The following MAP3K15 variants were observed in gnomAD, a reference collection of about 807,000 sequenced individuals.
MAP3K15 encodes MAPK/ERK kinase kinase 15.
In MAP3K15, 124 loss-of-function variants were observed where a neutral mutation model predicts 99.5. The ratio of observed to expected loss-of-function variants is 1.25; its 90% CI spans 1.08 to 1.45. The LOEUF is 1.45. Among genes scored for constraint, MAP3K15 ranks in the 40% most tolerant of loss-of-function variants. The pLI, the probability that MAP3K15 is intolerant of heterozygous loss-of-function variation, is 0.00. For synonymous variants in MAP3K15, 494 were observed against 439.6 expected, an observed-to-expected ratio of 1.12 and a Z score of -1.55; for missense variants, 1,242 against 1,079.7, an observed-to-expected ratio of 1.15 and a Z score of -2.11.
In MAP3K15 at chrX:19,407,205, G is replaced by A. The variant is rs529366756; in HGVS notation, c.1827C>T (p.Thr609=). The part of the protein sequence containing the change: ...NSDDFQIYFS[T]EEQCSRFFSL... ...TAACTCACCTACTGCACTGCTCTTCGGTGGAAAAGTAGATTTGAAAGTCAT... is the reference window on the plus strand; with the variant it reads ...TAACTCACCTACTGCACTGCTCTTCAGTGGAAAAGTAGATTTGAAAGTCAT... Residue 609 remains threonine, a synonymous_variant, in exon 13 of 29, where the codon ACC becomes ACT. Coordinates refer to ENST00000338883, the MANE Select transcript of MAP3K15 (RefSeq NM_001001671.4). 24 of 1,188,939 alleles carry A rather than the reference G, an allele frequency of 2.0e-5. 1 individual carries two copies. The South Asian group carries it at 3.2e-4, about 16-fold the overall frequency.
intron 1 of MAP3K15, among the ~76,000 whole-genome samples, chrX:19,494,298 A>AAG (rs977492363): frequency 6.1e-4 from 67 of 110,352 alleles, no homozygotes; most frequent in African/African-American, 2.0e-3. Flanking sequence ...CTGTCTTTTT[A>AAG]AGAGAGAGAG....
At chrX:19,469,885 A>C (rs1236778351) in intron 3 of MAP3K15, among the ~76,000 whole-genome samples, 9 of 108,553 alleles carry the variant, frequency 8.3e-5, no homozygotes, top group Non-Finnish European at 1.7e-4. Context: ...GGCAATCATT[A>C]AAAAGTCAGG....
At chrX:19,388,236 G>A (rs776606798) in intron 18 of MAP3K15, among the ~76,000 whole-genome samples, 2 of 111,996 alleles carry the variant, frequency 1.8e-5, no homozygotes, top group South Asian at 3.7e-4. Context: ...TGCAACCTCC[G>A]CCTCCCGGCT....
chrX:19,426,818 C>CAAAAAAAAAAAAAAAAAAA (rs746106862), intron 7 of MAP3K15, among the ~76,000 whole-genome samples: 2 of 21,149 alleles, frequency 9.5e-5, no homozygotes, highest in African/African-American at 4.1e-4. Flanking sequence ...AATCTGTCTC[C>CAAAAAAAAAAAAAAAAAAA]AAAAAAAAAA....
At chrX:19,463,319 C>T (rs1000986126) in intron 4 of MAP3K15, among the ~76,000 whole-genome samples, 13 of 111,757 alleles carry the variant, frequency 1.2e-4, no homozygotes, top group African/African-American at 4.2e-4. Context: ...CTTGTACCAA[C>T]ACTACAATAG....
chrX:19,400,148 A>G (rs2063597469), intron 14 of MAP3K15, among the ~76,000 whole-genome samples: 1 of 112,244 alleles, frequency 8.9e-6, no homozygotes, highest in Non-Finnish European at 1.9e-5. Context: ...GCTGTTAAAA[A>G]GAGCTGATGA....
chrX:19,500,421 G>T (rs181676677), intron 1 of MAP3K15, among the ~76,000 whole-genome samples: 21 of 110,959 alleles, frequency 1.9e-4, no homozygotes, highest in African/African-American at 6.9e-4. Context: ...TATCTACATC[G>T]AATGCTCCTG....
intron 25 of MAP3K15, among the ~76,000 whole-genome samples, chrX:19,367,201 C>T (rs1055122493): frequency 1.8e-5 from 2 of 111,255 alleles, no homozygotes; most frequent in Non-Finnish European, 3.8e-5. Flanking sequence ...TGAATGGAGC[C>T]GGAGGCCATT....
chrX:19,360,075 T>TATTA lies in MAP3K15; in HGVS notation c.*670_*673dup, dbSNP rs1214967488. Reference sequence around the variant, plus strand: ...CCATTTCTCTACAAGATACAATATTTATTATCAGGCAAGAGGACAGTTCCA... The same window carrying TATTA: ...CCATTTCTCTACAAGATACAATATTTATTAATTATCAGGCAAGAGGACAGTTCCA... On this transcript the variant is annotated 3_prime_UTR_variant, in exon 29 of 29. Transcript: ENST00000338883. The TATTA allele has an allele frequency of 5.4e-6, 1 of 185,440 alleles. No homozygotes were observed. Among genetic ancestry groups the TATTA allele is most frequent in the East Asian group, 1.5e-4 (1 of 6,646 alleles). The allele number at this position is 185,440 out of a possible 1,213,427, so 15.3% of individuals were successfully genotyped here.
intron 3 of MAP3K15, among the ~76,000 whole-genome samples, chrX:19,470,657 C>T (rs1309113319): frequency 2.7e-5 from 3 of 111,150 alleles, no homozygotes; most frequent in African/African-American, 9.8e-5. Flanking sequence ...AAACAACATG[C>T]CCCGGAGGCA....
intron 25 of MAP3K15, among the ~76,000 whole-genome samples, chrX:19,367,006 A>G (rs192597939): frequency 1.4e-4 from 16 of 112,412 alleles, no homozygotes; most frequent in African/African-American, 4.8e-4. Context: ...CCAGAGGAAT[A>G]TAAATGGTTC....
chrX:19,398,395 C>T, intron 14 of MAP3K15, 36 bp from the exon 15 acceptor site: 1 of 1,202,445 alleles, frequency 8.3e-7, no homozygotes, highest in Non-Finnish European at 1.1e-6. Flanking sequence ...AAAAAGCATA[C>T]AACTTGTAGC....
At chrX:19,381,426 G>T in intron 18 of MAP3K15, among the ~76,000 whole-genome samples, 1 of 112,218 alleles carries the variant, frequency 8.9e-6, no homozygotes, top group South Asian at 3.7e-4. Context: ...GTCCCACCTG[G>T]GTTCTAGCAC....
chrX:19,379,745 AT>A (rs1860081000), intron 19 of MAP3K15, among the ~76,000 whole-genome samples: 1 of 110,922 alleles, frequency 9.0e-6, no homozygotes, highest in South Asian at 3.8e-4. Flanking sequence ...CCCGGCCTAT[AT>A]TTTCCTTTGG....
chrX:19,441,365 G>A (rs1226785548), intron 6 of MAP3K15, among the ~76,000 whole-genome samples: 1 of 109,271 alleles, frequency 9.2e-6, no homozygotes, highest in Non-Finnish European at 1.9e-5. Flanking sequence ...ATGGGTATGG[G>A]CTTTTGGTGG....
At chrX:19,490,688 G>T (rs919839507) in intron 1 of MAP3K15, among the ~76,000 whole-genome samples, 2 of 109,090 alleles carry the variant, frequency 1.8e-5, no homozygotes, top group Admixed American at 2.0e-4. Flanking sequence ...GGTCGAGGTT[G>T]CAGTGAGCTG....
intron 9 of MAP3K15, among the ~76,000 whole-genome samples, chrX:19,421,401 C>T (rs879015489): frequency 9.1e-6 from 1 of 110,390 alleles, no homozygotes; most frequent in African/African-American, 3.3e-5. Context: ...AAACAGAGAG[C>T]CAAATCATGA....
chrX:19,474,353 C>G (rs2064226483), intron 3 of MAP3K15, among the ~76,000 whole-genome samples: 1 of 110,922 alleles, frequency 9.0e-6, no homozygotes, highest in Non-Finnish European at 1.9e-5. Context: ...ATGGATGACC[C>G]TGAAAAATGT....
At chrX:19,370,921 G>C (rs760453265) in intron 24 of MAP3K15, 38 bp downstream of exon 24, 1 of 993,477 alleles carries the variant, frequency 1.0e-6, no homozygotes, top group Non-Finnish European at 1.4e-6. Flanking sequence ...ATCTTTTCAC[G>C]GCCTAAAGCT....
Sources: allele counts gnomAD v4.1 joint callset (sites outside exome capture counted in the v4.1 genomes callset), GRCh38; gene constraint gnomAD v4.1.1; transcripts MANE v1.5; gene names NCBI Gene and HGNC (gene_info 2026-07-23, HGNC 2026-07-21).